KCNT1: variants seen among roughly 807,000 people sequenced by gnomAD.
The protein encoded by KCNT1 is potassium channel subfamily T member 1.
Under a neutral mutation model 147.8 loss-of-function variants are expected in KCNT1, and 78 were observed. The ratio of observed to expected loss-of-function variants is 0.53; its 90% CI spans 0.44 to 0.64. The LOEUF (loss-of-function observed/expected upper bound fraction) is 0.64, where lower values mean the gene tolerates loss of function less well. Among genes scored for constraint, KCNT1 ranks in the 30% least tolerant of loss-of-function variants. The pLI is 0.00. For synonymous variants in KCNT1, 867 were observed against 748.8 expected (o/e 1.16, Z -2.58); for missense variants, 1,419 against 1,750.3 (o/e 0.81, Z 3.38).
intron 2 of KCNT1, among the ~76,000 whole-genome samples, chr9:135,732,036 A>AGAGAGAGAGAGAGAGAGAGG (rs1471974281): frequency 7.3e-6 from 1 of 137,260 alleles, no homozygotes; most frequent in African/African-American, 2.7e-5. Context: ...AGAGAGAGAG[A>AGAGAGAGAGAGAGAGAGAGG]GAGAGGGAGT....
At chr9:135,774,176 G>C (rs948415766) in intron 19 of KCNT1, among the ~76,000 whole-genome samples, 2 of 151,194 alleles carry the variant, frequency 1.3e-5, no homozygotes, top group Non-Finnish European at 3.0e-5. Flanking sequence ...ATGTGTCCGT[G>C]TGTGTGATGT....
intron 27 of KCNT1, among the ~76,000 whole-genome samples, 172 bp from the exon 28 acceptor site, chr9:135,785,138 G>A (rs1833940972): frequency 6.6e-6 from 1 of 152,182 alleles, no homozygotes; most frequent in African/African-American, 2.4e-5. Flanking sequence ...GGGGCAGAGA[G>A]GCTCAGGGGA....
intron 17 of KCNT1, 102 bp from the exon 18 acceptor site, chr9:135,770,755 G>A (rs902311138): frequency 6.5e-5 from 76 of 1,166,388 alleles, no homozygotes; most frequent in East Asian, 2.3e-4. Flanking sequence ...AGGAAGACGC[G>A]GAGCTCCGGT....
intron 2 of KCNT1, chr9:135,742,897 C>T: frequency 1.4e-6 from 1 of 705,010 alleles, no homozygotes; most frequent in Admixed American, 2.0e-5. Flanking sequence ...TGGGGGGTCC[C>T]CTCAACCCAG....
chr9:135,785,549 T>TG (rs1265312126), intron 28 of KCNT1: 3 of 666,276 alleles, frequency 4.5e-6, no homozygotes, highest in African/African-American at 3.5e-5. Flanking sequence ...AGCTGAGGCC[T>TG]GGGGGGAGTA....
rs1547194 is a variant in KCNT1 at position 135,795,264 on chromosome 9, C to G, written c.*3103C>G. 6.7e-6 allele frequency: 1 copy of G among 149,930 alleles called. No individual in the cohort carries two copies. Among genetic ancestry groups the G allele is most frequent in the Non-Finnish European group, 1.5e-5 (1 of 67,772 alleles). The allele number at this position is 149,930 out of a possible 1,614,324, so 9.3% of individuals were successfully genotyped here. A position where few individuals can be genotyped will look rare whatever the true frequency, so the allele number is the denominator to read the frequency against. On this transcript the variant is annotated 3_prime_UTR_variant, in exon 31 of 31. Coordinates refer to ENST00000371757, the MANE Select transcript of KCNT1 (RefSeq NM_020822.3). ...GATCAGCGTGGGCAACATGATGAAC[C>G]CTGACTGTATCAAAAAGTACAAAAA...
At chr9:135,786,110 C>A in intron 28 of KCNT1, 87 bp from the exon 29 acceptor site, 2 of 1,250,546 alleles carry the variant, frequency 1.6e-6, no homozygotes, top group Non-Finnish European at 2.2e-6. Flanking sequence ...GCAGAGCCCA[C>A]ACCTCTTCCT....
intron 24 of KCNT1, among the ~76,000 whole-genome samples, chr9:135,783,211 C>T (rs759845163): frequency 1.1e-4 from 16 of 152,184 alleles, no homozygotes; most frequent in South Asian, 4.1e-4. Context: ...TCACGGGCCT[C>T]GAGATGGGAG....
At chr9:135,702,515 A>C in intron 1 of KCNT1, 147 bp downstream of exon 1, 1 of 664,208 alleles carries the variant, frequency 1.5e-6, no homozygotes, top group Non-Finnish European at 2.6e-6. Context: ...CCTCCCAACC[A>C]CCTTGGGGAA....
At chr9:135,778,383 T>C in intron 21 of KCNT1, 41 bp from the exon 22 acceptor site, 1 of 1,540,132 alleles carries the variant, frequency 6.5e-7, no homozygotes, top group Non-Finnish European at 8.8e-7. Flanking sequence ...AGGGCAGGCC[T>C]TGAAGCAGGG....
At chr9:135,744,781 G>T (rs1342753417) in intron 2 of KCNT1, among the ~76,000 whole-genome samples, 1 of 152,224 alleles carries the variant, frequency 6.6e-6, no homozygotes, top group Non-Finnish European at 1.5e-5. Context: ...CACCCCAGGG[G>T]GTACACAAGG....
At chr9:135,718,427 A>G (rs1260131286) in intron 2 of KCNT1, among the ~76,000 whole-genome samples, 2 of 152,126 alleles carry the variant, frequency 1.3e-5, no homozygotes, top group Non-Finnish European at 2.9e-5. Context: ...GGGAGGGGAC[A>G]CTGGGATGGG....
chr9:135,791,489 A>G (rs1467395998), intron 29 of KCNT1: 5 of 400,786 alleles, frequency 1.2e-5, no homozygotes, highest in East Asian at 5.1e-5. Context: ...TGGTGTGTGC[A>G]GGTGTGCTCA....
intron 29 of KCNT1, chr9:135,788,177 G>C: frequency 6.2e-7 from 1 of 1,609,656 alleles, no homozygotes; most frequent in South Asian, 1.1e-5. Context: ...TTCTGCCCTG[G>C]CGGGTGCCGA....
intron 1 of KCNT1, among the ~76,000 whole-genome samples, chr9:135,708,823 G>T (rs2131317921): frequency 6.6e-6 from 1 of 152,334 alleles, no homozygotes; most frequent in African/African-American, 2.4e-5. Context: ...GGAATTACAG[G>T]CGTGAGGCAC....
intron 28 of KCNT1, chr9:135,785,552 G>C (rs1186222969): frequency 3.0e-6 from 2 of 663,424 alleles, no homozygotes; most frequent in Admixed American, 2.2e-5. Context: ...TGAGGCCTGG[G>C]GGGAGTAGCC....
intron 2 of KCNT1, among the ~76,000 whole-genome samples, chr9:135,738,117 T>C (rs571361309): frequency 6.6e-6 from 1 of 152,302 alleles, no homozygotes; most frequent in Non-Finnish European, 1.5e-5. Context: ...CTGCCCAGGC[T>C]GCGTCTGAGC....
chr9:135,752,127 T>C lies in KCNT1; in HGVS notation c.434+1086T>C. 1 of 329,526 alleles carries C rather than the reference T, an allele frequency of 3.0e-6. No homozygotes were observed. The highest frequency in any genetic ancestry group is 2.4e-5 in the South Asian group (1 of 41,872). 20.4% of individuals were successfully genotyped at this position (329,526 alleles called of 1,614,324 possible). A position where few individuals can be genotyped will look rare whatever the true frequency, so the allele number is the denominator to read the frequency against. On this transcript the variant is annotated intron_variant, in intron 4 of 30. Coordinates refer to ENST00000371757, the MANE Select transcript of KCNT1 (RefSeq NM_020822.3). The surrounding 1 kb of genome is among the most constrained non-coding windows in gnomAD (Gnocchi z 5.1). The stretch of plus-strand genomic sequence containing the variant: ...AGGGGCTCTGCAGCCACGTGTGTGG[T>C]GTGGTTGTCACCATCCAGCCATCGG...
At chr9:135,733,858 G>T (rs1024634886) in intron 2 of KCNT1, among the ~76,000 whole-genome samples, 1 of 150,358 alleles carries the variant, frequency 6.7e-6, no homozygotes, top group African/African-American at 2.5e-5. Flanking sequence ...GTCCAGAATG[G>T]GTGTCATAAT....
Sources: gnomAD v4.1 joint callset for allele counts (sites outside exome capture counted in the v4.1 genomes callset) on GRCh38, gnomAD v4.1.1 for gene constraint, Gnocchi (gnomAD v3.1) non-coding constraint, MANE v1.5 for transcripts, NCBI Gene and HGNC (gene_info 2026-07-23, HGNC 2026-07-21) for gene names.